The following ZFC3H1 variants were observed in gnomAD, a reference collection of about 807,000 sequenced individuals.
The protein encoded by ZFC3H1 is zinc finger C3H1-type containing.
In ZFC3H1, 71 loss-of-function variants were observed where a neutral mutation model predicts 243.7. That is an observed-to-expected ratio of 0.29 (90% CI 0.24 to 0.36). The LOEUF (loss-of-function observed/expected upper bound fraction) is 0.36. ZFC3H1 is among the 10% of genes least tolerant of loss of function. The pLI, the probability that ZFC3H1 is intolerant of heterozygous loss-of-function variation, is 1.00. For synonymous variants in ZFC3H1, 838 were observed against 813.0 expected (o/e 1.03, Z -0.52); for missense variants, 1,966 against 2,317.1 (o/e 0.85, Z 3.11).
intron 1 of ZFC3H1, among the ~76,000 whole-genome samples, chr12:71,659,122 A>T (rs944811498): frequency 6.6e-6 from 1 of 152,108 alleles, no homozygotes; most frequent in Non-Finnish European, 1.5e-5. Context: ...AGGGAGCACT[A>T]CTTAGCCTCT....
In ZFC3H1 at chr12:71,638,524, AAATTTTTTGTTAAGAGTTTAAT is replaced by A. The variant is rs780044716; in HGVS notation, c.1628-31_1628-10del. 1.3e-6 allele frequency: 2 copies of A among 1,590,550 alleles called. No homozygotes were observed. The highest frequency in any genetic ancestry group is 4.5e-5 in the East Asian group (2 of 44,608). On this transcript the variant is annotated splice_polypyrimidine_tract_variant and intron_variant, in intron 6 of 34. Transcript: ENST00000378743. The stretch of plus-strand genomic sequence containing the variant: ...TTGCACTGGTGAAGGAGCTGTAAAA[AAATTTTTTGTTAAGAGTTTAAT>A]AACAGAAATACTTCATCAGGAATAT...
intron 30 of ZFC3H1, among the ~76,000 whole-genome samples, chr12:71,613,910 T>C (rs1879832146): frequency 6.6e-6 from 1 of 152,116 alleles, no homozygotes; most frequent in Admixed American, 6.5e-5. Context: ...AAAACATATA[T>C]ATGTTTTAGT....
In ZFC3H1 at chr12:71,614,833, C is replaced by T; in HGVS notation, c.5360+1G>A. 1 of 1,612,018 alleles carries T rather than the reference C, an allele frequency of 6.2e-7. No homozygotes were observed. Reference sequence around the variant, plus strand: ...TTCTTATCAAGAAAACCTAAACTTACTCCATCCATATCTTCTGTACTATAT... The same window carrying T: ...TTCTTATCAAGAAAACCTAAACTTATTCCATCCATATCTTCTGTACTATAT... On this transcript the variant is annotated splice_donor_variant, in intron 29 of 34. Transcript: ENST00000378743. LOFTEE classifies it high-confidence loss of function.
chr12:71,632,611 C>T lies in ZFC3H1; in HGVS notation c.2818-97G>A, dbSNP rs1880351867. ...TGCTATCCCCACCATACAATGCCAA[C>T]ATTATAAAACTAAATCAATATGGAG... is the stretch of plus-strand genomic sequence containing the variant. On this transcript the variant is annotated intron_variant, in intron 14 of 34. Coordinates refer to ENST00000378743, the MANE Select transcript of ZFC3H1 (RefSeq NM_144982.5). 9 of 1,375,738 alleles carry T rather than the reference C, an allele frequency of 6.5e-6. No homozygotes were observed. In the South Asian group the frequency reaches 1.2e-4, roughly 19 times the overall value. The allele number at this position is 1,375,738 out of a possible 1,614,324, so 85.2% of individuals were successfully genotyped here. A position where few individuals can be genotyped will look rare whatever the true frequency, so the allele number is the denominator to read the frequency against.
chr12:71,652,563 T>C (rs549541496), intron 2 of ZFC3H1, among the ~76,000 whole-genome samples: 2 of 152,368 alleles, frequency 1.3e-5, no homozygotes, highest in East Asian at 3.9e-4. Flanking sequence ...AAGATTCATC[T>C]TTCCAGATGT....
In ZFC3H1 at chr12:71,611,812, G is replaced by T. The variant is rs755494933; in HGVS notation, c.5703C>A (p.Ile1901=). 6.2e-7 allele frequency: 1 copy of T among 1,609,940 alleles called. No homozygotes were observed. The highest frequency in any genetic ancestry group is 1.1e-5 in the South Asian group (1 of 90,862). ...TTTTCCAGGTGGCCAGGCATGTTGGGATATTATATGTAAACATCTTGGCTT... is the reference window on the plus strand; with the variant it reads ...TTTTCCAGGTGGCCAGGCATGTTGGTATATTATATGTAAACATCTTGGCTT... ...KLQAKMFTYN[I]PTCLATWKIA... Residue 1901 remains isoleucine (I), a synonymous_variant, in exon 32 of 35, where the codon ATC becomes ATA. Transcript: ENST00000378743.
intron 3 of ZFC3H1, 39 bp downstream of exon 3, chr12:71,647,710 G>T: frequency 8.7e-7 from 1 of 1,148,436 alleles, no homozygotes; most frequent in Non-Finnish European, 1.2e-6. Flanking sequence ...GCAAAAATGG[G>T]TCTTACAGAG....
Position 71,610,289 on chromosome 12 carries a change from T to G in ZFC3H1, c.*139A>C. ...ATTGCTTCCGGTTTTGAGGACAGGA[T>G]ATTGTAGGGAACTTGATATGATCAA... On this transcript the variant is annotated 3_prime_UTR_variant, in exon 35 of 35. Transcript: ENST00000378743. 9.9e-7 allele frequency: 1 copy of G among 1,011,090 alleles called. No homozygotes were observed. The highest frequency in any genetic ancestry group is 1.4e-6 in the Non-Finnish European group (1 of 693,638). 62.6% of individuals were successfully genotyped at this position (1,011,090 alleles called of 1,614,324 possible). A position where few individuals can be genotyped will look rare whatever the true frequency, so the allele number is the denominator to read the frequency against.
chr12:71,626,127 G>A (rs1181957057), intron 22 of ZFC3H1, 133 bp downstream of exon 22: 6 of 867,566 alleles, frequency 6.9e-6, no homozygotes, highest in Non-Finnish European at 8.0e-6. Context: ...GAAACTGAAA[G>A]TAAGGTTATT....
At chr12:71,640,171 G>A (rs1880565434) in intron 6 of ZFC3H1, among the ~76,000 whole-genome samples, 1 of 152,176 alleles carries the variant, frequency 6.6e-6, no homozygotes, top group Non-Finnish European at 1.5e-5. Flanking sequence ...GCAGGGGTGA[G>A]CCACCACTAC....
chr12:71,633,479 C>A, intron 12 of ZFC3H1, 41 bp from the exon 13 acceptor site: 4 of 1,466,794 alleles, frequency 2.7e-6, no homozygotes, highest in Non-Finnish European at 3.6e-6. Context: ...TGTTTCCCTA[C>A]AAGAGCAGAC....
In ZFC3H1 at chr12:71,620,640, C is replaced by CA. The variant is rs551895646; in HGVS notation, c.4745-326dup. On this transcript the variant is annotated intron_variant, in intron 24 of 34. Coordinates refer to ENST00000378743, the MANE Select transcript of ZFC3H1 (RefSeq NM_144982.5). ...CTAAATTCTTTAAAATCCATCTCAACAAAAAAAAAATTACAGAATAAATTA... is the reference window on the plus strand; with the variant it reads ...CTAAATTCTTTAAAATCCATCTCAACAAAAAAAAAAATTACAGAATAAATTA... 2.3e-3 allele frequency among the ~76,000 whole-genome samples: 345 copies of CA among 149,072 alleles called. 1 individual carries two copies. Among genetic ancestry groups the CA allele is most frequent in the African/African-American group, 6.7e-3 (273 of 40,814 alleles).
chr12:71,618,173 G>A (rs968719597), intron 27 of ZFC3H1, among the ~76,000 whole-genome samples: 1 of 151,988 alleles, frequency 6.6e-6, no homozygotes, highest in Non-Finnish European at 1.5e-5. Flanking sequence ...GCTGAGGCAG[G>A]AGAATTGCTT....
At chr12:71,651,625 C>G (rs761689350) in intron 2 of ZFC3H1, among the ~76,000 whole-genome samples, 17 of 152,048 alleles carry the variant, frequency 1.1e-4, no homozygotes, top group African/African-American at 1.9e-4. Context: ...GGTAGAAAAG[C>G]AAACTGTATT....
chr12:71,615,139 T>C, intron 28 of ZFC3H1, 67 bp downstream of exon 28: 5 of 1,314,578 alleles, frequency 3.8e-6, no homozygotes, highest in South Asian at 2.5e-5. Flanking sequence ...ACAAACACAG[T>C]GTAATTCAGT....
In ZFC3H1 at chr12:71,611,674, A is replaced by AT. The variant is rs1423019402; in HGVS notation, c.5729+111_5729+112insA. On this transcript the variant is annotated intron_variant, in intron 32 of 34. Transcript: ENST00000378743. ...AATCTGTCCAGGAAAAAAAAAAAAA[A>AT]AAATATATATATATATATATATATA... 9.2e-3 allele frequency: 1,532 copies of AT among 166,912 alleles called. 5 individuals are homozygous for AT. Among genetic ancestry groups the AT allele is most frequent in the Middle Eastern group, 0.018 (7 of 382 alleles). The allele number at this position is 166,912 out of a possible 1,614,324, so 10.3% of individuals were successfully genotyped here. A position where few individuals can be genotyped will look rare whatever the true frequency, so the allele number is the denominator to read the frequency against.
At position 71,624,227 on chromosome 12, in the gene ZFC3H1, C is replaced by T. The variant is rs1267851847; in HGVS notation, c.4383G>A (p.Leu1461=). 1.2e-6 allele frequency: 2 copies of T among 1,614,052 alleles called. No individual in the cohort carries two copies. Among genetic ancestry groups the T allele is most frequent in the Admixed American group, 3.3e-5 (2 of 60,020 alleles). ...ATGTTTCCTGCTTGGCTGCTCCCAT[C>T]AGAAACTCCAACATTCTCTCACATA... ...DYVCERMLEF[L]MGAAKQETSN... Residue 1461 remains leucine (L), a synonymous_variant, in exon 23 of 35, where the codon CTG becomes CTA. Transcript: ENST00000378743.
rs756070783 is a variant in ZFC3H1 at position 71,632,498 on chromosome 12, CTCA to C, written c.2831_2833del (p.Met944del). On this transcript the variant is annotated inframe_deletion, in exon 15 of 35. Coordinates refer to ENST00000378743, the MANE Select transcript of ZFC3H1 (RefSeq NM_144982.5). ...ACTTGATACTGGAGAACTGTCCAGT[CTCA>C]TCATTTTGTTTGGCTAAGGGAGAAA... is the stretch of plus-strand genomic sequence containing the variant. 3 of 1,561,948 alleles carry C rather than the reference CTCA, an allele frequency of 1.9e-6. No homozygotes were observed. Among genetic ancestry groups the C allele is most frequent in the Non-Finnish European group, 2.6e-6 (3 of 1,166,500 alleles).
At chr12:71,629,188 ACT>A (rs1592590466) in intron 19 of ZFC3H1, 151 bp from the exon 20 acceptor site, 2 of 718,378 alleles carry the variant, frequency 2.8e-6, no homozygotes, top group Non-Finnish European at 4.2e-6. Flanking sequence ...TGGAAGTCTC[ACT>A]CTGTCACCCA....
Sources: gnomAD v4.1 joint callset for allele counts (sites outside exome capture counted in the v4.1 genomes callset) on GRCh38, gnomAD v4.1.1 for gene constraint, MANE v1.5 for transcripts, NCBI Gene and HGNC (gene_info 2026-07-23, HGNC 2026-07-21) for gene names.